Variants in FUBP1 observed in about 807,000 individuals in gnomAD.
FUBP1 encodes far upstream element binding protein 1.
Under a neutral mutation model 94.9 loss-of-function variants are expected in FUBP1, and 16 were observed. The observed-to-expected ratio is 0.17, with a 90% confidence interval of 0.11 to 0.26. FUBP1 has a LOEUF of 0.26. Among genes scored for constraint, FUBP1 ranks in the 10% least tolerant of loss-of-function variants. The pLI, the probability that FUBP1 is intolerant of heterozygous loss-of-function variation, is 1.00. For synonymous variants in FUBP1, 279 were observed against 254.9 expected (o/e 1.09, Z -0.90); for missense variants, 583 against 808.6 (o/e 0.72, Z 3.38).
chr1:77,958,794 A>G (rs1654936776), intron 16 of FUBP1, among the ~76,000 whole-genome samples: 1 of 152,216 alleles, frequency 6.6e-6, no homozygotes, highest in Non-Finnish European at 1.5e-5. Context: ...CAAGTTACCC[A>G]ATATGAATCT....
At position 77,947,999 on chromosome 1, in the gene FUBP1, T is replaced by C; in HGVS notation, c.*767A>G. ...TCTGAAAACTGTTTAAAATTAGTTA[T>C]GCCGAAACAGTCTTGGAAATCAAGT... is the stretch of plus-strand genomic sequence containing the variant. On this transcript the variant is annotated 3_prime_UTR_variant, in exon 20 of 20. Coordinates refer to ENST00000370768, the MANE Select transcript of FUBP1 (RefSeq NM_003902.5). 1 of 1,030,954 alleles carries C rather than the reference T, an allele frequency of 9.7e-7. No homozygotes were observed. The highest frequency in any genetic ancestry group is 1.2e-6 in the Non-Finnish European group (1 of 852,206). The allele number at this position is 1,030,954 out of a possible 1,614,324, so 63.9% of individuals were successfully genotyped here.
Position 77,965,171 on chromosome 1 carries a change from A to C in FUBP1, c.534T>G (p.His178Gln). 6.2e-7 allele frequency: 1 copy of C among 1,612,394 alleles called. No individual in the cohort carries two copies. The highest frequency in any genetic ancestry group is 1.1e-5 in the South Asian group (1 of 91,018). ...CTGCATTTCCCGGTCCATCGCCATG[A>C]TGGAAGCCAGGAGCTGGTCTTCCTT... ...VEKGRPAPGF[H>Q]HGDGPGNAVQ... is the part of the protein sequence containing the mutation. Residue 178 changes from histidine (H) to glutamine (Q), a missense_variant, in exon 8 of 20, where the codon CAT (histidine) becomes CAG (glutamine). His to Gln is a conservative substitution (Grantham distance 24, BLOSUM62 0). Coordinates refer to ENST00000370768, the MANE Select transcript of FUBP1 (RefSeq NM_003902.5).
chr1:77,972,117 A>C (rs1417749741), intron 1 of FUBP1, among the ~76,000 whole-genome samples: 1 of 152,110 alleles, frequency 6.6e-6, no homozygotes, highest in African/African-American at 2.4e-5. Context: ...GTCTAATTTA[A>C]ATCTTATTTT....
intron 19 of FUBP1, 142 bp from the exon 20 acceptor site, chr1:77,948,916 TG>T (rs1417298984): frequency 1.7e-6 from 2 of 1,163,478 alleles, no homozygotes; most frequent in Admixed American, 4.0e-5. Flanking sequence ...TGCAAATCCC[TG>T]GGGGAAGAAA....
Position 77,979,072 on chromosome 1 carries a change from G to C in FUBP1, c.-68C>G, listed in dbSNP as rs1024967489. 4.2e-6 allele frequency: 6 copies of C among 1,441,240 alleles called. No individual in the cohort carries two copies. Among genetic ancestry groups the C allele is most frequent in the Non-Finnish European group, 5.6e-6 (6 of 1,074,044 alleles). The allele number at this position is 1,441,240 out of a possible 1,614,324, so 89.3% of individuals were successfully genotyped here. On this transcript the variant is annotated 5_prime_UTR_variant, in exon 1 of 20. Coordinates refer to ENST00000370768, the MANE Select transcript of FUBP1 (RefSeq NM_003902.5). Reference sequence around the variant, plus strand: ...TCTCAGCTAACAGCTAAGAAAGAAAGAAAATGGCGGCCGTCGAAGCTCTAT... The same window carrying C: ...TCTCAGCTAACAGCTAAGAAAGAAACAAAATGGCGGCCGTCGAAGCTCTAT...
At chr1:77,974,322 CG>C (rs1167363333) in intron 1 of FUBP1, among the ~76,000 whole-genome samples, 2 of 151,962 alleles carry the variant, frequency 1.3e-5, no homozygotes, top group Non-Finnish European at 2.9e-5. Flanking sequence ...TTAGTAGAGA[CG>C]GGGTTTCACC....
At chr1:77,968,952 T>C in intron 2 of FUBP1, 1 of 484,202 alleles carries the variant, frequency 2.1e-6, no homozygotes. Flanking sequence ...AATATTTGTG[T>C]CCATTTAAGA....
chr1:77,968,753 T>TA, intron 2 of FUBP1, among the ~76,000 whole-genome samples: 1 of 150,902 alleles, frequency 6.6e-6, no homozygotes, highest in Non-Finnish European at 1.5e-5. Flanking sequence ...AGCAAAAAAA[T>TA]AAAATCTCAA....
At position 77,944,524 on chromosome 1, in the gene FUBP1, G is replaced by A. The variant is rs1376327561; in HGVS notation, c.*4242C>T. On this transcript the variant is annotated 3_prime_UTR_variant, in exon 20 of 20. Transcript: ENST00000370768. ...TCAGAGCCAAAATTATCTTTAATTA[G>A]GTATTGTTATAATGCATTTTAAAGT... 6.6e-6 allele frequency among the ~76,000 whole-genome samples: 1 copy of A among 151,746 alleles called. No homozygotes were observed. The highest frequency in any genetic ancestry group is 1.5e-5 in the Non-Finnish European group (1 of 67,808).
At position 77,948,675 on chromosome 1, in the gene FUBP1, A is replaced by G. The variant is rs1652714340; in HGVS notation, c.*91T>C. 1 of 1,517,698 alleles carries G rather than the reference A, an allele frequency of 6.6e-7. No individual in the cohort carries two copies. The highest frequency in any genetic ancestry group is 8.8e-7 in the Non-Finnish European group (1 of 1,137,996). The allele number at this position is 1,517,698 out of a possible 1,614,324, so 94.0% of individuals were successfully genotyped here. A position where few individuals can be genotyped will look rare whatever the true frequency, so the allele number is the denominator to read the frequency against. On this transcript the variant is annotated 3_prime_UTR_variant, in exon 20 of 20. Coordinates refer to ENST00000370768, the MANE Select transcript of FUBP1 (RefSeq NM_003902.5). ...ACTATTTTAAACCAAAAACAAAATT[A>G]AGATCTTCATCAAGTCGTCTGCATC...
chr1:77,967,034 A>C lies in FUBP1; in HGVS notation c.343+15T>G. The stretch of plus-strand genomic sequence containing the variant: ...TTGATCATGTTTTCAAAACTTTAAA[A>C]ATCAAGTTACTTACTGAATCCAACC... On this transcript the variant is annotated intron_variant, in intron 5 of 19. Coordinates refer to ENST00000370768, the MANE Select transcript of FUBP1 (RefSeq NM_003902.5). 2 of 1,572,634 alleles carry C rather than the reference A, an allele frequency of 1.3e-6. No homozygotes were observed. The highest frequency in any genetic ancestry group is 4.5e-5 in the East Asian group (2 of 44,650).
chr1:77,957,528 C>G (rs1431933969), intron 16 of FUBP1, among the ~76,000 whole-genome samples: 1 of 152,186 alleles, frequency 6.6e-6, no homozygotes, highest in Non-Finnish European at 1.5e-5. Flanking sequence ...TGAGACCTTT[C>G]AATCTTCTAG....
intron 16 of FUBP1, among the ~76,000 whole-genome samples, chr1:77,957,653 GGTTA>G (rs1327585681): frequency 3.3e-5 from 5 of 151,990 alleles, no homozygotes; most frequent in Non-Finnish European, 7.4e-5. Context: ...GCTTAATAAA[GGTTA>G]GTCAAGTTTG....
chr1:77,972,251 G>C (rs1177607901), intron 1 of FUBP1, among the ~76,000 whole-genome samples: 5 of 152,132 alleles, frequency 3.3e-5, no homozygotes, highest in African/African-American at 7.2e-5. Context: ...TAGAAGGAAA[G>C]TATTTCAGGC....
chr1:77,972,004 CAAAAAAAA>C (rs60606700), intron 1 of FUBP1, among the ~76,000 whole-genome samples: 2 of 84,148 alleles, frequency 2.4e-5, no homozygotes, highest in Middle Eastern at 0.013. Flanking sequence ...GACTCTGTCT[CAAAAAAAA>C]AAAAAAAAAA....
chr1:77,956,908 T>G (rs555318302), intron 16 of FUBP1, among the ~76,000 whole-genome samples: 2 of 152,314 alleles, frequency 1.3e-5, no homozygotes, highest in Non-Finnish European at 2.9e-5. Flanking sequence ...TCTCAGAGAC[T>G]AAGTGACTTT....
intron 18 of FUBP1, among the ~76,000 whole-genome samples, 189 bp from the exon 19 acceptor site, chr1:77,949,489 G>A (rs975503568): frequency 2.0e-5 from 3 of 150,998 alleles, no homozygotes; most frequent in African/African-American, 7.3e-5. Context: ...GTAAGTACAG[G>A]TTATAAGACA....
chr1:77,952,211 C>T (rs1023925207), intron 18 of FUBP1, among the ~76,000 whole-genome samples: 1 of 151,812 alleles, frequency 6.6e-6, no homozygotes, highest in Admixed American at 6.6e-5. Flanking sequence ...TGCACTTCAG[C>T]CTGGGCGACA....
chr1:77,975,848 A>C (rs1032434704), intron 1 of FUBP1, among the ~76,000 whole-genome samples: 12 of 152,192 alleles, frequency 7.9e-5, no homozygotes, highest in Non-Finnish European at 7.3e-5. Context: ...GGATATTATA[A>C]AAATCTAAAA....
Sources: allele counts gnomAD v4.1 joint callset (sites outside exome capture counted in the v4.1 genomes callset), GRCh38; gene constraint gnomAD v4.1.1; transcripts MANE v1.5; gene names NCBI Gene and HGNC (gene_info 2026-07-23, HGNC 2026-07-21).